The following MCCC1 variants were observed in gnomAD, a reference collection of about 807,000 sequenced individuals.
MCCC1 encodes methylcrotonoyl-CoA carboxylase subunit alpha, mitochondrial.
MCCC1 carries 64 observed loss-of-function variants against 83.8 expected under a neutral mutation model. That is an observed-to-expected ratio of 0.76 (90% confidence interval 0.62 to 0.94). The LOEUF (loss-of-function observed/expected upper bound fraction) is 0.94, where lower values mean the gene tolerates loss of function less well. Among genes scored for constraint, MCCC1 ranks in the 40% least tolerant of loss-of-function variants. The pLI, the probability that MCCC1 is intolerant of heterozygous loss-of-function variation, is 0.00. For missense variants in MCCC1, 807 were observed against 904.7 expected (o/e 0.89, Z 1.39); for synonymous variants, 322 against 315.4 (o/e 1.02, Z -0.22).
chr3:183,057,718 A>C (rs1444905243), intron 7 of MCCC1, among the ~76,000 whole-genome samples: 1 of 152,108 alleles, frequency 6.6e-6, no homozygotes, highest in Non-Finnish European at 1.5e-5. Context: ...ATCTCTACAA[A>C]AAAACTAGCC....
In MCCC1 at chr3:183,025,781, T is replaced by A. The variant is rs148332041; in HGVS notation, c.1705A>T (p.Asn569Tyr). The A allele has an allele frequency of 5.5e-5, 89 of 1,613,922 alleles. No individual in the cohort carries two copies. The African/African-American group carries it at 9.9e-4, about 18-fold the overall frequency. ...TGCATGCTATAAGACCCATCATGGT[T>A]ATACGTTACAGCTATGGCTACATCT... is the stretch of plus-strand genomic sequence containing the variant. The part of the protein sequence containing the change: ...KNNVAIAVTY[N>Y]HDGSYSMQIE... The change falls in exon 15 of 19, where the codon AAC (asparagine) becomes TAC (tyrosine). Residue 569 changes from asparagine (N) to tyrosine (Y), a missense_variant. Coordinates refer to ENST00000265594, the MANE Select transcript of MCCC1 (RefSeq NM_020166.5).
rs1560281232 is a variant in MCCC1, at chr3:183,092,509, C to G, written c.173G>C (p.Gly58Ala). Residue 58 changes from glycine to alanine, a missense_variant, in exon 3 of 19, where the codon GGA becomes GCA. Coordinates refer to ENST00000265594, the MANE Select transcript of MCCC1 (RefSeq NM_020166.5). ...GCGCATCACCCTGCAGGCAATTTCT[C>G]CTCTGTTTGCAATGAGGACCTTGGT... ...NITKVLIANR[G>A]EIACRVMRTA... The G allele has an allele frequency of 3.1e-6, 5 of 1,614,090 alleles. No homozygotes were observed. The highest frequency in any genetic ancestry group is 4.2e-6 in the Non-Finnish European group (5 of 1,180,040).
chr3:183,092,156 TG>T (rs1488932513), intron 3 of MCCC1, among the ~76,000 whole-genome samples: 1 of 152,228 alleles, frequency 6.6e-6, no homozygotes, highest in Non-Finnish European at 1.5e-5. Flanking sequence ...CGCAACATTC[TG>T]TGAACCGTTT....
intron 3 of MCCC1, among the ~76,000 whole-genome samples, chr3:183,091,471 G>GCT (rs756212861): frequency 2.0e-5 from 3 of 152,154 alleles, no homozygotes; most frequent in Admixed American, 6.5e-5. Flanking sequence ...AGGAGGCTGA[G>GCT]GCATGAGAAT....
chr3:183,015,420 C>T lies in MCCC1; in HGVS notation c.*18G>A, dbSNP rs200645262. 1 of 1,613,866 alleles carries T rather than the reference C, an allele frequency of 6.2e-7. No individual in the cohort carries two copies. Among genetic ancestry groups the T allele is most frequent in the Non-Finnish European group, 8.5e-7 (1 of 1,179,874 alleles). ...GAGAGAGAAGACACTACTTAACTGGCCATTTCCTTGCTGGAGTTTATTCCG... is the reference window on the plus strand; with the variant it reads ...GAGAGAGAAGACACTACTTAACTGGTCATTTCCTTGCTGGAGTTTATTCCG... On this transcript the variant is annotated 3_prime_UTR_variant, in exon 19 of 19. Transcript: ENST00000265594.
At chr3:183,031,030 G>A (rs1713025879) in intron 14 of MCCC1, among the ~76,000 whole-genome samples, 1 of 152,122 alleles carries the variant, frequency 6.6e-6, no homozygotes, top group African/African-American at 2.4e-5. Flanking sequence ...CATATAAGAG[G>A]ACCTTAAACA....
rs540575367 is a variant in MCCC1 at position 183,018,674 on chromosome 3, G to C, written c.1978-1337C>G. ...TTTGAAATCCTTTCATTTTTTTCAA[G>C]AATGTAGAAACAAGACACATTGCCA... On this transcript the variant is annotated intron_variant, in intron 17 of 18. Coordinates refer to ENST00000265594, the MANE Select transcript of MCCC1 (RefSeq NM_020166.5). 6.4e-4 allele frequency among the ~76,000 whole-genome samples: 97 copies of C among 152,244 alleles called. 1 individual carries two copies. Among genetic ancestry groups the C allele is most frequent in the African/African-American group, 2.3e-3 (97 of 41,532 alleles).
chr3:183,026,368 C>T (rs957133892), intron 14 of MCCC1, among the ~76,000 whole-genome samples: 14 of 152,044 alleles, frequency 9.2e-5, no homozygotes, highest in Admixed American at 3.3e-4. Context: ...TTAAGGTTGT[C>T]GAATATTTTA....
chr3:183,049,180 A>C (rs1251725981), intron 9 of MCCC1, among the ~76,000 whole-genome samples: 2 of 152,214 alleles, frequency 1.3e-5, no homozygotes, highest in Non-Finnish European at 2.9e-5. Context: ...ATTTTAATTA[A>C]TGAGAAGAGA....
rs1021326728 is a variant in MCCC1 at position 183,085,191 on chromosome 3, T to A, written c.369+1502A>T. On this transcript the variant is annotated intron_variant, in intron 4 of 18. Transcript: ENST00000265594. Reference sequence around the variant, plus strand: ...GGGCAACACTACGGCAATTTACTTTTAATTGTTTTGCCTTCTTTCAATGTT... The same window carrying A: ...GGGCAACACTACGGCAATTTACTTTAAATTGTTTTGCCTTCTTTCAATGTT... Among the ~76,000 whole-genome samples, 5 of 152,120 alleles carry A rather than the reference T, an allele frequency of 3.3e-5. No individual in the cohort carries two copies. In the East Asian group the frequency reaches 9.7e-4, roughly 29 times the overall value.
chr3:183,039,098 C>G lies in MCCC1; in HGVS notation c.1305G>C (p.Ala435=), dbSNP rs759359909. 6.2e-6 allele frequency: 10 copies of G among 1,614,196 alleles called. No homozygotes were observed. The highest frequency in any genetic ancestry group is 8.5e-6 in the Non-Finnish European group (10 of 1,180,042). The change falls in exon 12 of 19, where the codon GCG becomes GCC. Residue 435 remains alanine (A), a synonymous_variant. Transcript: ENST00000265594. The part of the protein sequence containing the change: ...EVSVHYDPMI[A]KLVVWAADRQ... ...GATCTGCTGCCCACACGACCAGCTT[C>G]GCAATCATGGGGTCATAATGCACGG...
At chr3:183,084,147 T>C (rs1469261337) in intron 4 of MCCC1, among the ~76,000 whole-genome samples, 1 of 152,266 alleles carries the variant, frequency 6.6e-6, no homozygotes, top group African/African-American at 2.4e-5. Context: ...TCCTCCTGCC[T>C]CAGCCTTCTG....
At chr3:183,052,378 A>C in intron 8 of MCCC1, 138 bp from the exon 9 acceptor site, 2 of 742,246 alleles carry the variant, frequency 2.7e-6, no homozygotes, top group Non-Finnish European at 4.7e-6. Context: ...GTTGTCCCAT[A>C]AGATTATAAT....
At chr3:183,070,149 T>C (rs1301965575) in intron 7 of MCCC1, among the ~76,000 whole-genome samples, 1 of 152,248 alleles carries the variant, frequency 6.6e-6, no homozygotes, top group Non-Finnish European at 1.5e-5. Flanking sequence ...ACATGGTAAG[T>C]GCAATGTAAG....
chr3:183,065,826 A>T (rs1195904101), intron 7 of MCCC1, among the ~76,000 whole-genome samples: 1 of 152,254 alleles, frequency 6.6e-6, no homozygotes, highest in Non-Finnish European at 1.5e-5. Flanking sequence ...AAAGCACAAC[A>T]GGTTCTTCTT....
At chr3:183,094,125 T>G (rs1718570210) in intron 2 of MCCC1, among the ~76,000 whole-genome samples, 1 of 151,718 alleles carries the variant, frequency 6.6e-6, no homozygotes, top group Non-Finnish European at 1.5e-5. Context: ...CTTGGCTCAT[T>G]GCAACCTGCG....
At chr3:183,091,566 CA>C (rs1357226853) in intron 3 of MCCC1, among the ~76,000 whole-genome samples, 1 of 149,818 alleles carries the variant, frequency 6.7e-6, no homozygotes, top group Non-Finnish European at 1.5e-5. Context: ...AGACTCTTGT[CA>C]AAAACAAAAA....
chr3:183,060,952 C>T (rs1430944876), intron 7 of MCCC1, among the ~76,000 whole-genome samples: 1 of 152,168 alleles, frequency 6.6e-6, no homozygotes, highest in Non-Finnish European at 1.5e-5. Flanking sequence ...ACGTAGGAGG[C>T]TCCCAACTAG....
chr3:183,050,236 A>G (rs1714862891), intron 9 of MCCC1, among the ~76,000 whole-genome samples: 1 of 152,210 alleles, frequency 6.6e-6, no homozygotes, highest in African/African-American at 2.4e-5. Context: ...TATTAAAGAG[A>G]TTAAGTCAAT....
Sources: gnomAD v4.1 joint callset for allele counts (sites outside exome capture counted in the v4.1 genomes callset) on GRCh38, gnomAD v4.1.1 for gene constraint, MANE v1.5 for transcripts, NCBI Gene and HGNC (gene_info 2026-07-23, HGNC 2026-07-21) for gene names.